TRIO: variants seen among roughly 807,000 people sequenced by gnomAD.
TRIO encodes trio Rho guanine nucleotide exchange factor.
TRIO carries 58 observed loss-of-function variants against 351.9 expected under a neutral mutation model. That is an observed-to-expected ratio of 0.16 (90% CI 0.13 to 0.21). TRIO has a LOEUF of 0.21. TRIO is among the 10% of genes least tolerant of loss of function. The probability of loss-of-function intolerance (pLI) is 1.00; values close to 1 mark genes in which losing one functional copy is unlikely to be tolerated. For synonymous variants in TRIO, 1,758 were observed against 1,595.7 expected (o/e 1.10, Z -2.42); for missense variants, 3,201 against 4,027.8 (o/e 0.79, Z 5.56).
At chr5:14,388,040 A>G in intron 23 of TRIO, 193 bp downstream of exon 23, 2 of 575,310 alleles carry the variant, frequency 3.5e-6, no homozygotes, top group Non-Finnish European at 6.2e-6. Context: ...CAGAAACAGC[A>G]TCTAGTTTTT....
At position 14,388,693 on chromosome 5, in the gene TRIO, T is replaced by G. The variant is rs1280781853; in HGVS notation, c.3948+14T>G. The G allele has an allele frequency of 5.7e-6, 9 of 1,591,642 alleles. No individual in the cohort carries two copies. The highest frequency in any genetic ancestry group is 2.3e-5 in the South Asian group (2 of 87,690). On this transcript the variant is annotated intron_variant, in intron 24 of 56. Transcript: ENST00000344204. ...GAATGTATGGATGTAAGTAAGTTTT[T>G]TTTTTTTTTTTTTGCTTGTTTATTT...
chr5:14,411,398 G>A (rs548320693), intron 33 of TRIO, among the ~76,000 whole-genome samples: 5 of 152,282 alleles, frequency 3.3e-5, no homozygotes, highest in Non-Finnish European at 4.4e-5. Context: ...AAAAATGGCC[G>A]AGGCGAGATG....
chr5:14,198,619 A>G (rs1030668203), intron 1 of TRIO, among the ~76,000 whole-genome samples: 2 of 152,168 alleles, frequency 1.3e-5, no homozygotes, highest in Admixed American at 1.3e-4. Flanking sequence ...CCTTGCTAAC[A>G]TTGTACTGTA....
chr5:14,267,880 A>G (rs1279252486), intron 1 of TRIO, among the ~76,000 whole-genome samples: 3 of 151,728 alleles, frequency 2.0e-5, no homozygotes, highest in East Asian at 3.9e-4. Context: ...CCCTTTTTAT[A>G]TTTTCTGTTT....
At chr5:14,372,551 T>C (rs1047579419) in intron 18 of TRIO, among the ~76,000 whole-genome samples, 1 of 152,202 alleles carries the variant, frequency 6.6e-6, no homozygotes, top group African/African-American at 2.4e-5. Flanking sequence ...TAGCTAGAAT[T>C]ATTCCCTCTC....
chr5:14,170,587 A>G (rs1013934567), intron 1 of TRIO, among the ~76,000 whole-genome samples: 4 of 150,844 alleles, frequency 2.7e-5, no homozygotes, highest in Admixed American at 1.3e-4. Flanking sequence ...GCTCACTGCA[A>G]CGTCCACCTC....
chr5:14,216,873 T>G (rs6874286), intron 1 of TRIO, among the ~76,000 whole-genome samples: 2,485 of 152,342 alleles, frequency 0.016, 30 homozygotes, highest in Non-Finnish European at 0.028. Flanking sequence ...ATATGGTAGA[T>G]AGCCAGACCA....
chr5:14,159,485 A>G (rs189751149), intron 1 of TRIO, among the ~76,000 whole-genome samples: 8 of 152,196 alleles, frequency 5.3e-5, no homozygotes, highest in East Asian at 1.9e-4. Flanking sequence ...GGGAGAGGCA[A>G]CTTTCTGCTA....
chr5:14,433,517 G>A lies in TRIO; in HGVS notation c.5203+13496G>A, dbSNP rs77924022. ...GCACTGTGGACATATTGTGCAGAGC[G>A]GAAACGCATGGGGAAGAAAACAAGG... On this transcript the variant is annotated intron_variant, in intron 34 of 56. Coordinates refer to ENST00000344204, the MANE Select transcript of TRIO (RefSeq NM_007118.4). Among the ~76,000 whole-genome samples the A allele has an allele frequency of 6.3e-3, 957 of 152,296 alleles. 7 individuals carry two copies. The highest frequency in any genetic ancestry group is 0.01 in the Admixed American group (160 of 15,294).
At chr5:14,471,663 TA>T (rs1287120259) in intron 38 of TRIO, among the ~76,000 whole-genome samples, 197 bp downstream of exon 38, 2 of 152,216 alleles carry the variant, frequency 1.3e-5, no homozygotes, top group African/African-American at 4.8e-5. Flanking sequence ...TTTCTTGTTT[TA>T]TTTGTATATG....
intron 11 of TRIO, among the ~76,000 whole-genome samples, chr5:14,350,070 C>T (rs575154587): frequency 2.2e-4 from 34 of 152,280 alleles, no homozygotes; most frequent in African/African-American, 5.8e-4. Flanking sequence ...TTTTTTATGA[C>T]TGCATAGTAT....
chr5:14,156,396 A>G (rs1561143374), intron 1 of TRIO, among the ~76,000 whole-genome samples: 1 of 152,176 alleles, frequency 6.6e-6, no homozygotes, highest in Non-Finnish European at 1.5e-5. Flanking sequence ...CTCTCAGTAG[A>G]CAGAGCTAAG....
chr5:14,368,991 C>T (rs1744841514), intron 17 of TRIO, 92 bp downstream of exon 17: 13 of 1,433,536 alleles, frequency 9.1e-6, no homozygotes, highest in Admixed American at 2.1e-5. Context: ...ACATGTTCAT[C>T]GTTATTGAAA....
At chr5:14,498,966 G>T in intron 53 of TRIO, 1 of 282,462 alleles carries the variant, frequency 3.5e-6, no homozygotes, top group Non-Finnish European at 6.9e-6. Context: ...CTGAGTTGGA[G>T]CAGGGTGCTT....
intron 23 of TRIO, among the ~76,000 whole-genome samples, chr5:14,388,148 A>G (rs1214361519): frequency 6.6e-6 from 1 of 152,244 alleles, no homozygotes; most frequent in East Asian, 1.9e-4. Flanking sequence ...CGCCTAAAAC[A>G]AATTTAGTTG....
At chr5:14,189,632 G>A (rs556358853) in intron 1 of TRIO, among the ~76,000 whole-genome samples, 14 of 152,024 alleles carry the variant, frequency 9.2e-5, no homozygotes, top group Admixed American at 8.5e-4. Flanking sequence ...AACGTATTTA[G>A]TACTGTTTCT....
Position 14,482,698 on chromosome 5 carries a change from C to T in TRIO, c.6582C>T (p.Ile2194=), listed in dbSNP as rs139448086. 1.2e-4 allele frequency: 192 copies of T among 1,611,356 alleles called. No individual in the cohort carries two copies. The highest frequency in any genetic ancestry group is 1.6e-4 in the Non-Finnish European group (189 of 1,178,366). ...GGCGCATCTTCCTCTTTGAGCAGATCGTCATATTCAGCGAACCACTTGATA... is the reference window on the plus strand; with the variant it reads ...GGCGCATCTTCCTCTTTGAGCAGATTGTCATATTCAGCGAACCACTTGATA... The part of the protein sequence containing the change: ...RERRIFLFEQ[I]VIFSEPLDKK... Residue 2194 remains isoleucine, a synonymous_variant, in exon 46 of 57, where the codon ATC becomes ATT. Transcript: ENST00000344204.
intron 1 of TRIO, among the ~76,000 whole-genome samples, chr5:14,226,665 C>T (rs1343294881): frequency 1.3e-5 from 2 of 152,220 alleles, no homozygotes; most frequent in Non-Finnish European, 2.9e-5. Context: ...TATAGTTTAA[C>T]ATTGTCCCTG....
intron 34 of TRIO, among the ~76,000 whole-genome samples, chr5:14,422,157 A>G (rs1750221461): frequency 6.6e-6 from 1 of 152,098 alleles, no homozygotes; most frequent in Non-Finnish European, 1.5e-5. Context: ...TTTGCACACC[A>G]TGGCATGCAT....
Sources: allele counts gnomAD v4.1 joint callset (sites outside exome capture counted in the v4.1 genomes callset), GRCh38; gene constraint gnomAD v4.1.1; transcripts MANE v1.5; gene names NCBI Gene and HGNC (gene_info 2026-07-23, HGNC 2026-07-21).